The following AFF1 variants were observed in gnomAD, a reference collection of about 807,000 sequenced individuals.
AFF1 encodes AF4/FMR2 family member 1.
AFF1 carries 48 observed loss-of-function variants against 121.7 expected under a neutral mutation model. That is an observed-to-expected ratio of 0.39 (90% CI 0.31 to 0.50). AFF1 has a LOEUF of 0.50. Ranked by LOEUF, AFF1 falls within the 20% of genes least tolerant of loss-of-function variation. The probability of loss-of-function intolerance (pLI) is 0.76; values close to 1 mark genes in which losing one functional copy is unlikely to be tolerated. For synonymous variants in AFF1, 613 were observed against 563.0 expected (o/e 1.09, Z -1.26); for missense variants, 1,523 against 1,511.7 (o/e 1.01, Z -0.12).
At chr4:87,051,943 T>G (rs1311657848) in intron 4 of AFF1, among the ~76,000 whole-genome samples, 1 of 151,892 alleles carries the variant, frequency 6.6e-6, no homozygotes, top group Non-Finnish European at 1.5e-5. Context: ...CCGCAAGAAG[T>G]AAAGAGGGTG....
chr4:87,091,869 A>G, intron 7 of AFF1, 40 bp downstream of exon 7: 2 of 1,464,578 alleles, frequency 1.4e-6, no homozygotes, highest in Non-Finnish European at 1.9e-6. Flanking sequence ...TGGAGAACAA[A>G]GCATAGCTTT....
At chr4:87,096,402 T>G (rs1717069778) in intron 8 of AFF1, among the ~76,000 whole-genome samples, 2 of 148,834 alleles carry the variant, frequency 1.3e-5, no homozygotes, top group Non-Finnish European at 3.0e-5. Context: ...TTTTTTTTTT[T>G]TTTTTTTTTG....
At chr4:87,112,534 C>A (rs987016272) in intron 11 of AFF1, among the ~76,000 whole-genome samples, 3 of 152,196 alleles carry the variant, frequency 2.0e-5, no homozygotes, top group African/African-American at 7.2e-5. Context: ...TCACACTAAA[C>A]CCAAACTATC....
chr4:86,938,589 CTCT>C (rs1355242526), intron 1 of AFF1, among the ~76,000 whole-genome samples: 2 of 152,002 alleles, frequency 1.3e-5, no homozygotes, highest in African/African-American at 2.4e-5. Context: ...TTCTAGTAGT[CTCT>C]TTTTTTAAGA....
Position 87,135,606 on chromosome 4 carries a change from G to A in AFF1, c.3562G>A (p.Val1188Met), listed in dbSNP as rs1198359386. ...KEFFARLSTN[V>M]CTLALNSSLV... Reference sequence around the variant, plus strand: ...ATTCTTTGCTCGGCTCAGCACAAATGTGTGCACCTTGGCCCTCAACAGCAG... The same window carrying A: ...ATTCTTTGCTCGGCTCAGCACAAATATGTGCACCTTGGCCCTCAACAGCAG... Residue 1188 changes from valine to methionine, a missense_variant, in exon 21 of 21, where the codon GTG (valine) becomes ATG (methionine). By Grantham distance (21) the Val-to-Met change is conservative. This residue lies in a region of AFF1 where 241 missense variants were observed against 265.2 expected (regional missense o/e 0.91). Coordinates refer to ENST00000395146, the MANE Select transcript of AFF1 (RefSeq NM_001166693.3). 32 of 1,608,272 alleles carry A rather than the reference G, an allele frequency of 2.0e-5. No homozygotes were observed. Among genetic ancestry groups the A allele is most frequent in the Non-Finnish European group, 2.4e-5 (28 of 1,176,970 alleles).
In AFF1 at chr4:87,114,582, A is replaced by AACCCCC; in HGVS notation, c.1749_1750insACCCCC (p.Glu583_Ala584insThrPro). On this transcript the variant is annotated inframe_insertion, in exon 12 of 21. Transcript: ENST00000395146. ...GCAAAGCCCCCCGGGCCCCACCCGA[A>AACCCCC]GCCCCCCACCCCGGAAAGAGGAGCT... 1 of 1,412,576 alleles carries AACCCCC rather than the reference A, an allele frequency of 7.1e-7. No individual in the cohort carries two copies. The highest frequency in any genetic ancestry group is 9.6e-7 in the Non-Finnish European group (1 of 1,043,574). The allele number at this position is 1,412,576 out of a possible 1,614,324, so 87.5% of individuals were successfully genotyped here.
intron 2 of AFF1, chr4:87,036,677 T>C: frequency 3.0e-6 from 1 of 328,068 alleles, no homozygotes; most frequent in Non-Finnish European, 6.0e-6. Flanking sequence ...AGGTAAAAAA[T>C]ACCTCTCAAA....
At chr4:87,127,799 C>A in intron 16 of AFF1, 96 bp downstream of exon 16, 3 of 1,265,262 alleles carry the variant, frequency 2.4e-6, no homozygotes, top group Non-Finnish European at 3.4e-6. Flanking sequence ...TATCACTCAG[C>A]GTATGTGCGG....
intron 1 of AFF1, among the ~76,000 whole-genome samples, chr4:86,941,625 G>A (rs907209711): frequency 3.9e-5 from 6 of 152,036 alleles, no homozygotes; most frequent in South Asian, 2.1e-4. Flanking sequence ...GCACTCCAGC[G>A]TGGGCAATAG....
intron 1 of AFF1, among the ~76,000 whole-genome samples, chr4:86,948,057 GT>G (rs11446805): frequency 7.2e-4 from 108 of 150,514 alleles, no homozygotes; most frequent in African/African-American, 2.1e-3. Flanking sequence ...TTTCTTGGTT[GT>G]TTTTTTTTGT....
At chr4:87,007,800 A>T (rs1726318573) in intron 2 of AFF1, among the ~76,000 whole-genome samples, 1 of 151,994 alleles carries the variant, frequency 6.6e-6, no homozygotes, top group African/African-American at 2.4e-5. Flanking sequence ...TGTTGTCTCG[A>T]GGGGAAGTTT....
chr4:87,043,751 T>C (rs181645546), intron 2 of AFF1, among the ~76,000 whole-genome samples: 114 of 152,374 alleles, frequency 7.5e-4, no homozygotes, highest in African/African-American at 2.6e-3. Flanking sequence ...AAATCTGATA[T>C]TGCAATATCC....
intron 4 of AFF1, among the ~76,000 whole-genome samples, chr4:87,062,914 A>G (rs957692821): frequency 2.6e-5 from 4 of 152,140 alleles, no homozygotes; most frequent in Admixed American, 6.5e-5. Context: ...GCTTTTAGGC[A>G]TTATATATAG....
chr4:86,967,781 C>T (rs1722637347), intron 2 of AFF1, among the ~76,000 whole-genome samples: 2 of 152,072 alleles, frequency 1.3e-5, no homozygotes, highest in Admixed American at 1.3e-4. Context: ...GTACAAGTTC[C>T]TTTTTGAGTA....
rs1020045800 is a variant in AFF1 at position 87,110,320 on chromosome 4, T to C, written c.1533+2005T>C. 4.6e-5 allele frequency among the ~76,000 whole-genome samples: 7 copies of C among 152,328 alleles called. 1 individual carries two copies. The highest frequency in any genetic ancestry group is 1.3e-4 in the Admixed American group (2 of 15,300). On this transcript the variant is annotated intron_variant, in intron 11 of 20. Transcript: ENST00000395146. ...AGTGGGGTACCCATCACCTCAAGCA[T>C]TTATTCTTTGTATTACAAACAATTC... is the stretch of plus-strand genomic sequence containing the variant.
intron 6 of AFF1, among the ~76,000 whole-genome samples, chr4:87,091,522 G>A (rs1199405504): frequency 6.6e-6 from 1 of 152,202 alleles, no homozygotes; most frequent in Non-Finnish European, 1.5e-5. Flanking sequence ...CTCTAGGAAA[G>A]AAGAGAAGCA....
At chr4:87,039,947 G>T (rs1247981182) in intron 2 of AFF1, among the ~76,000 whole-genome samples, 2 of 152,070 alleles carry the variant, frequency 1.3e-5, no homozygotes, top group Admixed American at 1.3e-4. Flanking sequence ...TGTAGCCCAG[G>T]TTGAAGTGCA....
At chr4:87,131,944 T>C in intron 18 of AFF1, 80 bp downstream of exon 18, 2 of 1,232,008 alleles carry the variant, frequency 1.6e-6, no homozygotes, top group Non-Finnish European at 2.2e-6. Context: ...TGAAATTTGT[T>C]TTCTTAATGT....
intron 2 of AFF1, among the ~76,000 whole-genome samples, chr4:86,984,429 C>A (rs1724046261): frequency 6.6e-6 from 1 of 150,996 alleles, no homozygotes; most frequent in Non-Finnish European, 1.5e-5. Context: ...TGGATTCAAG[C>A]AATTCTGCTT....
Sources: allele counts gnomAD v4.1 joint callset (sites outside exome capture counted in the v4.1 genomes callset), GRCh38; gene constraint gnomAD v4.1.1; regional missense constraint gnomAD v4.1.1; transcripts MANE v1.5; gene names NCBI Gene and HGNC (gene_info 2026-07-23, HGNC 2026-07-21).